Variants in ANO1 observed in about 807,000 individuals in gnomAD.
ANO1 encodes the protein anoctamin 1.
In ANO1, 59 loss-of-function variants were observed where a neutral mutation model predicts 124.0. The observed-to-expected ratio is 0.48, with a 90% CI of 0.39 to 0.59. The LOEUF is 0.59. Among genes scored for constraint, ANO1 ranks in the 20% least tolerant of loss-of-function variants. The pLI, the probability that ANO1 is intolerant of heterozygous loss-of-function variation, is 0.00. For synonymous variants in ANO1, 529 were observed against 532.0 expected, an observed-to-expected ratio of 0.99 and a Z score of 0.08; for missense variants, 1,059 against 1,328.0, an observed-to-expected ratio of 0.80 and a Z score of 3.15.
intron 9 of ANO1, among the ~76,000 whole-genome samples, chr11:70,125,310 T>A (rs963963336): frequency 2.0e-4 from 30 of 151,474 alleles, no homozygotes; most frequent in Non-Finnish European, 3.7e-4. Flanking sequence ...GCCACTGCAC[T>A]GCAGCCTGGG....
intron 24 of ANO1, among the ~76,000 whole-genome samples, chr11:70,183,428 C>G (rs868674220): frequency 6.6e-6 from 1 of 152,208 alleles, no homozygotes; most frequent in Non-Finnish European, 1.5e-5. Context: ...GATGTCCATT[C>G]TTGAACCAAC....
chr11:70,145,690 A>C (rs1332867938), intron 11 of ANO1, among the ~76,000 whole-genome samples: 1 of 152,120 alleles, frequency 6.6e-6, no homozygotes, highest in East Asian at 1.9e-4. Flanking sequence ...TAATCCCAGC[A>C]CTTTGGGAGG....
At chr11:70,082,211 C>A (rs569196838) in intron 1 of ANO1, among the ~76,000 whole-genome samples, 1 of 148,530 alleles carries the variant, frequency 6.7e-6, no homozygotes, top group Admixed American at 6.9e-5. Context: ...TTCACACATG[C>A]CTGCATTCAT....
the ANO1 span, among the ~76,000 whole-genome samples, chr11:69,980,546 A>G: frequency 6.6e-6 from 1 of 151,500 alleles, no homozygotes; most frequent in Non-Finnish European, 1.5e-5. Context: ...GCGTGAACCC[A>G]GGAGGCAGAG....
chr11:70,036,431 G>A (rs1465579801), intron 1 of ANO1, among the ~76,000 whole-genome samples: 1 of 152,068 alleles, frequency 6.6e-6, no homozygotes, highest in Non-Finnish European at 1.5e-5. Flanking sequence ...ACGGTCACAG[G>A]TTCTGAGGTT....
chr11:70,155,173 T>C (rs1036614876), intron 14 of ANO1, among the ~76,000 whole-genome samples: 7 of 152,208 alleles, frequency 4.6e-5, no homozygotes, highest in Admixed American at 2.0e-4. Context: ...AAAAGGGCTT[T>C]TGTGACACAC....
chr11:70,026,999 A>G (rs58182549), intron 1 of ANO1, among the ~76,000 whole-genome samples: 48,686 of 151,900 alleles, frequency 0.32, 8,470 homozygotes, highest in Admixed American at 0.4. Context: ...GCCTCCCCTC[A>G]TTCAAGTCTC....
chr11:70,069,589 G>A (rs1857818238), intron 1 of ANO1, among the ~76,000 whole-genome samples: 1 of 152,052 alleles, frequency 6.6e-6, no homozygotes, highest in Admixed American at 6.6e-5. Context: ...AATCGTTCAT[G>A]TTTAAGAAGC....
intron 1 of ANO1, among the ~76,000 whole-genome samples, chr11:70,007,456 T>G (rs538449378): frequency 6.6e-6 from 1 of 152,198 alleles, no homozygotes; most frequent in South Asian, 2.1e-4. Flanking sequence ...TTTAGTATTT[T>G]TATTAGAGAC....
chr11:70,023,290 G>T (rs1298654269), intron 1 of ANO1, among the ~76,000 whole-genome samples: 1 of 152,180 alleles, frequency 6.6e-6, no homozygotes, highest in Non-Finnish European at 1.5e-5. Flanking sequence ...GCACCTTTCC[G>T]CATTGACTCC....
intron 1 of ANO1, among the ~76,000 whole-genome samples, chr11:70,024,750 A>C (rs1342322459): frequency 6.6e-6 from 1 of 152,226 alleles, no homozygotes; most frequent in African/African-American, 2.4e-5. Flanking sequence ...CACCAGGCAC[A>C]AAGCCCCGCT....
intron 1 of ANO1, among the ~76,000 whole-genome samples, chr11:70,012,640 C>G (rs1856620006): frequency 6.6e-6 from 1 of 151,508 alleles, no homozygotes; most frequent in Non-Finnish European, 1.5e-5. Context: ...TCCATCCATC[C>G]ATTGTTCCAT....
chr11:70,051,075 T>C (rs1253109791), intron 1 of ANO1, among the ~76,000 whole-genome samples: 4 of 152,120 alleles, frequency 2.6e-5, no homozygotes, highest in African/African-American at 9.7e-5. Flanking sequence ...ATTTTACAGT[T>C]TGATGAATTT....
chr11:70,122,935 G>A (rs1017988464), intron 8 of ANO1, among the ~76,000 whole-genome samples: 1 of 152,206 alleles, frequency 6.6e-6, no homozygotes, highest in South Asian at 2.1e-4. Context: ...AAGGTTTGCT[G>A]GCCGAGGCTT....
intron 7 of ANO1, among the ~76,000 whole-genome samples, chr11:70,115,453 A>C (rs1380333540): frequency 6.6e-6 from 1 of 152,082 alleles, no homozygotes; most frequent in Non-Finnish European, 1.5e-5. Flanking sequence ...TCTCTACTAA[A>C]AATACAAAAA....
intron 21 of ANO1, among the ~76,000 whole-genome samples, chr11:70,170,578 G>A (rs779285824): frequency 2.0e-5 from 3 of 152,180 alleles, no homozygotes; most frequent in African/African-American, 7.2e-5. Flanking sequence ...GTGACAGATC[G>A]AGACTATCTC....
At chr11:70,018,200 T>C (rs781802323) in intron 1 of ANO1, 1 of 151,596 alleles carries the variant, frequency 6.6e-6, no homozygotes, top group Non-Finnish European at 1.5e-5. Flanking sequence ...ACAAAAAAAA[T>C]TTTAAATTTA....
chr11:69,993,122 C>A (rs1257235589), intron 1 of ANO1, among the ~76,000 whole-genome samples: 6 of 152,138 alleles, frequency 3.9e-5, no homozygotes, highest in Non-Finnish European at 8.8e-5. Context: ...AATGCCAGCC[C>A]CACCCCAATG....
intron 1 of ANO1, among the ~76,000 whole-genome samples, chr11:70,010,166 C>CAT (rs1856568763): frequency 9.9e-6 from 1 of 100,528 alleles, no homozygotes; most frequent in Non-Finnish European, 2.0e-5. Flanking sequence ...TGTGTGTGTG[C>CAT]GCGTGTGTGT....
Sources: allele counts gnomAD v4.1 joint callset (sites outside exome capture counted in the v4.1 genomes callset), GRCh38; gene constraint gnomAD v4.1.1; transcripts MANE v1.5; gene names NCBI Gene and HGNC (gene_info 2026-07-23, HGNC 2026-07-21).